The following KLHL29 variants were observed in gnomAD, a reference collection of about 807,000 sequenced individuals.
The protein encoded by KLHL29 is kelch like family member 29.
KLHL29 carries 21 observed loss-of-function variants against 80.4 expected under a neutral mutation model. That is an observed-to-expected ratio of 0.26 (90% CI 0.19 to 0.38). The LOEUF is 0.38. Ranked by LOEUF, KLHL29 falls within the 10% of genes least tolerant of loss-of-function variation. The probability of loss-of-function intolerance (pLI) is 1.00; values close to 1 mark genes in which losing one functional copy is unlikely to be tolerated. For missense variants in KLHL29, 867 were observed against 1,223.9 expected (o/e 0.71, Z 4.35); for synonymous variants, 511 against 526.8 (o/e 0.97, Z 0.41).
chr2:23,388,424 C>G (rs79752574), intron 1 of KLHL29, among the ~76,000 whole-genome samples: 349 of 152,284 alleles, frequency 2.3e-3, no homozygotes, highest in African/African-American at 8.1e-3. Flanking sequence ...CTAAATCCAG[C>G]CTGTTTTCTA....
At position 23,680,063 on chromosome 2, in the gene KLHL29, G is replaced by T. The variant is rs1161820020; in HGVS notation, c.941-4336G>T. Among the ~76,000 whole-genome samples the T allele has an allele frequency of 1.3e-5, 2 of 152,206 alleles. No homozygotes were observed. Among genetic ancestry groups the T allele is most frequent in the Non-Finnish European group, 2.9e-5 (2 of 68,024 alleles). On this transcript the variant is annotated intron_variant, in intron 5 of 13. Coordinates refer to ENST00000486442, the MANE Select transcript of KLHL29 (RefSeq NM_052920.2). The surrounding 1 kb of genome is among the most constrained non-coding windows in gnomAD (Gnocchi z 4.1). ...CCCCGAAGGATTTGTGTGGCCAGTG[G>T]CTGTGAGGATGCAGTGTGGAGGTGG...
intron 2 of KLHL29, among the ~76,000 whole-genome samples, chr2:23,559,676 C>T (rs1197590738): frequency 6.6e-6 from 1 of 151,724 alleles, no homozygotes; most frequent in African/African-American, 2.4e-5. Context: ...CAACTTTGGG[C>T]GTTTAGGTAC....
chr2:23,401,756 G>C (rs1394980196), intron 1 of KLHL29, among the ~76,000 whole-genome samples: 1 of 152,188 alleles, frequency 6.6e-6, no homozygotes, highest in Non-Finnish European at 1.5e-5. Flanking sequence ...TGTCCGGCTG[G>C]ACTGAGGCTA....
chr2:23,414,253 T>G (rs139400912), intron 1 of KLHL29, among the ~76,000 whole-genome samples: 146 of 151,946 alleles, frequency 9.6e-4, no homozygotes, highest in African/African-American at 3.4e-3. Flanking sequence ...AAGCTTCCTG[T>G]GAGCTGGGGC....
chr2:23,519,123 G>A (rs1369091411), intron 2 of KLHL29, among the ~76,000 whole-genome samples: 3 of 152,114 alleles, frequency 2.0e-5, no homozygotes, highest in South Asian at 2.1e-4. Context: ...CTCATGTTCT[G>A]TGGGGTCTGT....
intron 1 of KLHL29, among the ~76,000 whole-genome samples, chr2:23,407,888 T>TTGAAATGCAAC (rs1418236754): frequency 1.3e-5 from 2 of 152,136 alleles, no homozygotes; most frequent in East Asian, 3.9e-4. Context: ...TCTCATACAT[T>TTGAAATGCAAC]AAATTCTTTG....
At chr2:23,599,348 A>G (rs898567493) in intron 3 of KLHL29, among the ~76,000 whole-genome samples, 1 of 152,192 alleles carries the variant, frequency 6.6e-6, no homozygotes, top group African/African-American at 2.4e-5. Context: ...CCAAATGAGG[A>G]AACCGGGGCT....
chr2:23,497,295 C>T (rs138433092), intron 2 of KLHL29, among the ~76,000 whole-genome samples: 17 of 152,222 alleles, frequency 1.1e-4, no homozygotes, highest in Middle Eastern at 3.4e-3. Context: ...TGTGGCTGCC[C>T]ATGTGGTTCT....
chr2:23,684,630 C>T lies in KLHL29; in HGVS notation c.1079+93C>T, dbSNP rs193128183. 1.0e-5 allele frequency: 12 copies of T among 1,150,642 alleles called. No homozygotes were observed. The Admixed American group carries it at 1.8e-4, about 17-fold the overall frequency. 71.3% of individuals were successfully genotyped at this position (1,150,642 alleles called of 1,614,324 possible). Reference sequence around the variant, plus strand: ...TCCCCTCTCTTGCAGGTTCCTGAAGCGTGACTCCCTGTCACAGAGCCAGTA... The same window carrying T: ...TCCCCTCTCTTGCAGGTTCCTGAAGTGTGACTCCCTGTCACAGAGCCAGTA... On this transcript the variant is annotated intron_variant, in intron 6 of 13. Coordinates refer to ENST00000486442, the MANE Select transcript of KLHL29 (RefSeq NM_052920.2). This position sits in a 1 kb window ranked among gnomAD's most constrained non-coding sequence, Gnocchi z 4.4.
intron 5 of KLHL29, among the ~76,000 whole-genome samples, chr2:23,659,197 T>C (rs1397148715): frequency 6.6e-6 from 1 of 150,618 alleles, no homozygotes; most frequent in Non-Finnish European, 1.5e-5. Context: ...AGCTGAATGG[T>C]ACCCCCTGGA....
intron 2 of KLHL29, among the ~76,000 whole-genome samples, chr2:23,478,167 G>A (rs1406236812): frequency 6.6e-6 from 1 of 152,154 alleles, no homozygotes; most frequent in Non-Finnish European, 1.5e-5. Context: ...TACCTGATCT[G>A]TCTCTGTGTT....
At chr2:23,555,203 CT>C (rs769378530) in intron 2 of KLHL29, among the ~76,000 whole-genome samples, 1 of 152,120 alleles carries the variant, frequency 6.6e-6, no homozygotes, top group Non-Finnish European at 1.5e-5. Context: ...CACAGAGGGC[CT>C]CGGGAGCTGT....
At chr2:23,625,713 C>G (rs748129338) in intron 3 of KLHL29, among the ~76,000 whole-genome samples, 37 of 152,216 alleles carry the variant, frequency 2.4e-4, no homozygotes, top group African/African-American at 8.2e-4. Flanking sequence ...ATCTTATGGA[C>G]TGAATTGTGC....
At chr2:23,614,940 G>A (rs1668964731) in intron 3 of KLHL29, among the ~76,000 whole-genome samples, 1 of 152,192 alleles carries the variant, frequency 6.6e-6, no homozygotes, top group African/African-American at 2.4e-5. Flanking sequence ...GGAGTGTGCT[G>A]CTCCCTGCAG....
intron 1 of KLHL29, among the ~76,000 whole-genome samples, chr2:23,393,102 T>C (rs979854996): frequency 6.6e-6 from 1 of 152,234 alleles, no homozygotes; most frequent in East Asian, 1.9e-4. Flanking sequence ...CTAGAACCAC[T>C]AATCGCTGAC....
intron 1 of KLHL29, among the ~76,000 whole-genome samples, chr2:23,452,983 G>A (rs991127535): frequency 6.6e-6 from 1 of 151,858 alleles, no homozygotes; most frequent in Admixed American, 6.6e-5. Context: ...TGCTGGGACT[G>A]TGGTTTCTTT....
intron 2 of KLHL29, among the ~76,000 whole-genome samples, chr2:23,547,508 A>T (rs1667007241): frequency 6.6e-6 from 1 of 152,152 alleles, no homozygotes; most frequent in Non-Finnish European, 1.5e-5. Flanking sequence ...GGGGATTAAA[A>T]GAGCTGGTGC....
At chr2:23,557,746 G>A (rs768223633) in intron 2 of KLHL29, among the ~76,000 whole-genome samples, 7 of 152,082 alleles carry the variant, frequency 4.6e-5, no homozygotes, top group East Asian at 1.9e-4. Context: ...CCCTCAGTGC[G>A]TACCCTCCTC....
intron 2 of KLHL29, among the ~76,000 whole-genome samples, chr2:23,530,997 G>T (rs1356692936): frequency 6.6e-6 from 1 of 152,246 alleles, no homozygotes; most frequent in Non-Finnish European, 1.5e-5. Flanking sequence ...GTTTAACTGG[G>T]TGTGTGGCCT....
Sources: allele counts gnomAD v4.1 joint callset (sites outside exome capture counted in the v4.1 genomes callset), GRCh38; gene constraint gnomAD v4.1.1; non-coding constraint Gnocchi (gnomAD v3.1); transcripts MANE v1.5; gene names NCBI Gene and HGNC (gene_info 2026-07-23, HGNC 2026-07-21).